PMP22: variants seen among roughly 807,000 people sequenced by gnomAD.
PMP22 encodes Charcot-Marie-Tooth neuropathy 1A (greatly reduced nerve conduction velocity, hereditary motor sensory neuropathy Ia).
PMP22 carries 2 observed loss-of-function variants against 18.9 expected under a neutral mutation model. That is an observed-to-expected ratio of 0.11 (90% CI 0.04 to 0.33). The LOEUF (loss-of-function observed/expected upper bound fraction) is 0.33, where lower values mean the gene tolerates loss of function less well. Ranked by LOEUF, PMP22 falls within the 10% of genes least tolerant of loss-of-function variation. The probability of loss-of-function intolerance (pLI) is 1.00; values close to 1 mark genes in which losing one functional copy is unlikely to be tolerated. For missense variants in PMP22, 169 were observed against 202.2 expected (o/e 0.84, Z 1.00); for synonymous variants, 95 against 89.2 (o/e 1.07, Z -0.37).
At chr17:15,247,355 C>T (rs369933178) in intron 3 of PMP22, among the ~76,000 whole-genome samples, 7 of 152,194 alleles carry the variant, frequency 4.6e-5, no homozygotes, top group East Asian at 1.9e-4. Context: ...GGCGACAGAG[C>T]GAGACTGTCT....
At chr17:15,251,935 G>C (rs1908389555) in intron 3 of PMP22, among the ~76,000 whole-genome samples, 1 of 151,918 alleles carries the variant, frequency 6.6e-6, no homozygotes, top group Admixed American at 6.5e-5. Flanking sequence ...TAATTCCTGG[G>C]TATTGGCATC....
Position 15,258,821 on chromosome 17 carries a change from C to T in PMP22, c.178+273G>A. The T allele has an allele frequency of 2.1e-6, 1 of 479,846 alleles. No individual in the cohort carries two copies. The highest frequency in any genetic ancestry group is 3.8e-6 in the Non-Finnish European group (1 of 261,346). The allele number at this position is 479,846 out of a possible 1,614,324, so 29.7% of individuals were successfully genotyped here. ...ACAGCTCCCAGGTCGATATTTTTTT[C>T]AATCACAAAAAGCATTATCCTAAGT... On this transcript the variant is annotated intron_variant, in intron 3 of 4. Coordinates refer to ENST00000312280, the MANE Select transcript of PMP22 (RefSeq NM_000304.4). The surrounding 1 kb of genome is among the most constrained non-coding windows in gnomAD (Gnocchi z 4.1).
chr17:15,236,248 C>T (rs1906800540), intron 4 of PMP22, among the ~76,000 whole-genome samples: 1 of 152,090 alleles, frequency 6.6e-6, no homozygotes, highest in East Asian at 1.9e-4. Context: ...TTTGGCAAAC[C>T]ATGGAGACCC....
chr17:15,260,459 T>C, intron 2 of PMP22, 191 bp downstream of exon 2: 1 of 653,744 alleles, frequency 1.5e-6, no homozygotes, highest in Non-Finnish European at 2.8e-6. Flanking sequence ...GCTCGCTTGG[T>C]TCCTATCACT....
Position 15,238,333 on chromosome 17 carries a change from C to T in PMP22, c.319+1138G>A, listed in dbSNP as rs147380051. On this transcript the variant is annotated intron_variant, in intron 4 of 4. Coordinates refer to ENST00000312280, the MANE Select transcript of PMP22 (RefSeq NM_000304.4). ...AAGGTCACCAACATCTAACCTTGGG[C>T]TGTGTCTTCCCATACAACCCTATTT... Among the ~76,000 whole-genome samples, 63 of 152,312 alleles carry T rather than the reference C, an allele frequency of 4.1e-4. 1 individual carries two copies. The highest frequency in any genetic ancestry group is 1.5e-3 in the African/African-American group (62 of 41,572).
In PMP22 at chr17:15,260,634, C is replaced by G; in HGVS notation, c.78+16G>C. On this transcript the variant is annotated intron_variant, in intron 2 of 4. Transcript: ENST00000312280. ...AAGGGCGGGCCGCGCAGGGAGCCTC[C>G]CCGCCAGGCACTCACGCTGACGATC... 6.4e-7 allele frequency: 1 copy of G among 1,550,674 alleles called. No individual in the cohort carries two copies. Among genetic ancestry groups the G allele is most frequent in the Non-Finnish European group, 8.7e-7 (1 of 1,146,288 alleles).
chr17:15,245,726 G>A (rs1030512507), intron 3 of PMP22, among the ~76,000 whole-genome samples: 2 of 152,104 alleles, frequency 1.3e-5, no homozygotes, highest in Non-Finnish European at 1.5e-5. Context: ...GGGAGCCACA[G>A]GCCGGGCGCA....
rs151105938 is a variant in PMP22 at position 15,260,977 on chromosome 17, G to A, written c.-34-216C>T. The A allele has an allele frequency of 9.4e-3, 2,986 of 318,352 alleles. 85 individuals are homozygous for A. Among genetic ancestry groups the A allele is most frequent in the African/African-American group, 0.059 (2,678 of 45,520 alleles). The allele number at this position is 318,352 out of a possible 1,614,324, so 19.7% of individuals were successfully genotyped here. A position where few individuals can be genotyped will look rare whatever the true frequency, so the allele number is the denominator to read the frequency against. On this transcript the variant is annotated intron_variant, in intron 1 of 4. Coordinates refer to ENST00000312280, the MANE Select transcript of PMP22 (RefSeq NM_000304.4). The stretch of plus-strand genomic sequence containing the variant: ...GCGCCCAGTGCCCAGCGCCCAGCCG[G>A]GCCCGCCTGCAACGGAACATCTTTT...
At chr17:15,247,034 C>T (rs1907880354) in intron 3 of PMP22, among the ~76,000 whole-genome samples, 1 of 132,592 alleles carries the variant, frequency 7.5e-6, no homozygotes, top group Non-Finnish European at 1.5e-5. Context: ...CACACCACTG[C>T]ACTCCAGCCT....
chr17:15,262,880 T>A (rs1909455263), intron 1 of PMP22, among the ~76,000 whole-genome samples: 2 of 152,060 alleles, frequency 1.3e-5, no homozygotes, highest in South Asian at 4.1e-4. Context: ...CCCAGCCAAA[T>A]GTAGCTCAGC....
rs1015849280 is a variant in PMP22, at chr17:15,258,279, C to A, written c.178+815G>T. Reference sequence around the variant, plus strand: ...GTCCACGGGCTCTTAACATCAATCGCTATGGCCTACCCAGCCACCAAAACA... The same window carrying A: ...GTCCACGGGCTCTTAACATCAATCGATATGGCCTACCCAGCCACCAAAACA... On this transcript the variant is annotated intron_variant, in intron 3 of 4. Transcript: ENST00000312280. This position sits in a 1 kb window ranked among gnomAD's most constrained non-coding sequence, Gnocchi z 4.1. Among the ~76,000 whole-genome samples, 2 of 152,238 alleles carry A rather than the reference C, an allele frequency of 1.3e-5. No homozygotes were observed.
chr17:15,259,033 G>T, intron 3 of PMP22, 61 bp downstream of exon 3: 1 of 1,236,698 alleles, frequency 8.1e-7, no homozygotes, highest in Non-Finnish European at 1.2e-6. Context: ...TCCAGCTCTG[G>T]GCTGAGAAAC....
intron 2 of PMP22, chr17:15,260,201 G>T: frequency 3.9e-6 from 1 of 257,598 alleles, no homozygotes; most frequent in African/African-American, 2.2e-5. Context: ...TGGGACCTGT[G>T]AACTCTTTTC....
chr17:15,241,198 A>G (rs932795222), intron 3 of PMP22, among the ~76,000 whole-genome samples: 3 of 152,220 alleles, frequency 2.0e-5, no homozygotes, highest in African/African-American at 7.2e-5. Flanking sequence ...TTGTCAATTA[A>G]AGTAAGAAAA....
chr17:15,252,149 G>A (rs79912563), intron 3 of PMP22, among the ~76,000 whole-genome samples: 2,705 of 152,156 alleles, frequency 0.018, 72 homozygotes, highest in African/African-American at 0.059. Context: ...AAGGTCTCCC[G>A]TGTTTTCTAA....
chr17:15,253,125 G>T (rs1395110453), intron 3 of PMP22, among the ~76,000 whole-genome samples: 1 of 152,106 alleles, frequency 6.6e-6, no homozygotes, highest in Non-Finnish European at 1.5e-5. Flanking sequence ...TGGGGAGGAG[G>T]CTTGGCACAC....
chr17:15,248,471 T>C (rs950646403), intron 3 of PMP22, among the ~76,000 whole-genome samples: 3 of 152,174 alleles, frequency 2.0e-5, no homozygotes, highest in African/African-American at 7.2e-5. Context: ...ACAGAGCTAG[T>C]TTGTCAGGGT....
At chr17:15,239,826 C>T (rs1476265231) in intron 3 of PMP22, among the ~76,000 whole-genome samples, 1 of 152,182 alleles carries the variant, frequency 6.6e-6, no homozygotes, top group African/African-American at 2.4e-5. Context: ...AAAATATATA[C>T]ATATATACAT....
At chr17:15,264,583 C>G (rs1054599280) in intron 1 of PMP22, among the ~76,000 whole-genome samples, 4 of 152,222 alleles carry the variant, frequency 2.6e-5, no homozygotes, top group African/African-American at 9.6e-5. Context: ...ATATTGGGTG[C>G]TACAGCTCGC....
Sources: allele counts gnomAD v4.1 joint callset (sites outside exome capture counted in the v4.1 genomes callset), GRCh38; gene constraint gnomAD v4.1.1; non-coding constraint Gnocchi (gnomAD v3.1); transcripts MANE v1.5; gene names NCBI Gene and HGNC (gene_info 2026-07-23, HGNC 2026-07-21).